DIPK1A: variants seen among roughly 807,000 people sequenced by gnomAD.
DIPK1A encodes the protein divergent protein kinase domain 1A, also known as family with sequence similarity 69 member A.
A neutral mutation model predicts 40.8 loss-of-function variants in DIPK1A; 27 were observed. The ratio of observed to expected loss-of-function variants is 0.66; its 90% confidence interval spans 0.49 to 0.91. The LOEUF (loss-of-function observed/expected upper bound fraction) is 0.91. Among genes scored for constraint, DIPK1A ranks in the 40% least tolerant of loss-of-function variants. The pLI, the probability that DIPK1A is intolerant of heterozygous loss-of-function variation, is 0.00. For synonymous variants in DIPK1A, 166 were observed against 171.3 expected, an observed-to-expected ratio of 0.97 and a Z score of 0.24; for missense variants, 412 against 505.7, an observed-to-expected ratio of 0.81 and a Z score of 1.78.
chr1:92,921,065 A>G (rs1027797544), intron 1 of DIPK1A, among the ~76,000 whole-genome samples: 2 of 152,132 alleles, frequency 1.3e-5, no homozygotes, highest in African/African-American at 4.8e-5. Context: ...GACTCCCTGG[A>G]CTAGTTGGGG....
downstream of DIPK1A, among the ~76,000 whole-genome samples, chr1:92,839,406 A>G (rs1466102141): frequency 6.6e-6 from 1 of 152,194 alleles, no homozygotes; most frequent in Non-Finnish European, 1.5e-5. Flanking sequence ...TTGGCTTTTC[A>G]GGAAAACTTC....
chr1:92,948,140 T>C (rs1004434706), intron 1 of DIPK1A, among the ~76,000 whole-genome samples: 14 of 152,326 alleles, frequency 9.2e-5, no homozygotes, highest in African/African-American at 3.4e-4. Context: ...ACATGGAGAC[T>C]TGGTTGTACA....
In DIPK1A at chr1:92,946,942, TC is replaced by T. The variant is rs1391855220; in HGVS notation, c.54+14433del. Among the ~76,000 whole-genome samples, 9 of 99,130 alleles carry T rather than the reference TC, an allele frequency of 9.1e-5. No homozygotes were observed. The East Asian group carries it at 2.0e-3, about 22-fold the overall frequency. 65.0% of individuals were successfully genotyped at this position (99,130 alleles called of 152,430 possible). On this transcript the variant is annotated intron_variant, in intron 1 of 4. Coordinates refer to ENST00000370310, the MANE Select transcript of DIPK1A (RefSeq NM_001006605.5). ...CTGGGTGACAGAGTGAGACCCTGTC[TC>T]AAAAAAAAAAAAAAAAAACCACACA...
intron 2 of DIPK1A, among the ~76,000 whole-genome samples, chr1:92,854,710 G>C (rs1310872415): frequency 1.3e-5 from 2 of 152,254 alleles, no homozygotes; most frequent in Admixed American, 6.5e-5. Context: ...AAGCAATCTA[G>C]TTCTTAAACT....
intron 1 of DIPK1A, among the ~76,000 whole-genome samples, chr1:92,919,930 A>C (rs1650206784): frequency 1.3e-5 from 2 of 152,250 alleles, no homozygotes; most frequent in Non-Finnish European, 2.9e-5. Context: ...AACTGCCATT[A>C]ATCGACATCA....
chr1:92,838,257 T>C (rs1392375146), downstream of DIPK1A, among the ~76,000 whole-genome samples: 1 of 152,236 alleles, frequency 6.6e-6, no homozygotes, highest in Admixed American at 6.5e-5. Flanking sequence ...AAAGGCTGAA[T>C]AAACAAATAG....
chr1:92,883,456 A>G (rs981906524), intron 1 of DIPK1A, among the ~76,000 whole-genome samples: 1 of 146,768 alleles, frequency 6.8e-6, no homozygotes, highest in African/African-American at 2.4e-5. Flanking sequence ...ATAACTATCT[A>G]TTTGTCTCTC....
chr1:92,870,387 G>A (rs537519982), intron 2 of DIPK1A, among the ~76,000 whole-genome samples: 55 of 152,020 alleles, frequency 3.6e-4, no homozygotes, highest in Admixed American at 1.3e-3. Flanking sequence ...CACCATGCCC[G>A]GCTAATTTTT....
At chr1:92,878,008 A>T (rs1380212946) in intron 1 of DIPK1A, among the ~76,000 whole-genome samples, 1 of 152,234 alleles carries the variant, frequency 6.6e-6, no homozygotes, top group East Asian at 1.9e-4. Context: ...AGTGGCTATC[A>T]TCTTCTTTTC....
chr1:92,950,469 ATTACT>A (rs1651584394), intron 1 of DIPK1A, among the ~76,000 whole-genome samples: 1 of 152,368 alleles, frequency 6.6e-6, no homozygotes, highest in Admixed American at 6.5e-5. Flanking sequence ...ACCTGAACAA[ATTACT>A]TTGGAAGCAA....
At chr1:92,943,849 AAC>A (rs1651265084) in intron 1 of DIPK1A, among the ~76,000 whole-genome samples, 1 of 152,226 alleles carries the variant, frequency 6.6e-6, no homozygotes, top group Non-Finnish European at 1.5e-5. Context: ...CTAAAATATG[AAC>A]AGACAACCAA....
chr1:92,886,672 A>G (rs1020989934), intron 1 of DIPK1A, among the ~76,000 whole-genome samples: 2 of 152,166 alleles, frequency 1.3e-5, no homozygotes, highest in East Asian at 1.9e-4. Context: ...ATGAAAGCCA[A>G]TATTTATTAG....
Position 92,846,678 on chromosome 1 carries a change from G to A in DIPK1A, c.474+505C>T, listed in dbSNP as rs528657270. The A allele has an allele frequency of 7.3e-5, 26 of 356,044 alleles. 1 individual carries two copies. Among genetic ancestry groups the A allele is most frequent in the South Asian group, 5.4e-4 (26 of 48,308 alleles). The allele number at this position is 356,044 out of a possible 1,614,324, so 22.1% of individuals were successfully genotyped here. A position where few individuals can be genotyped will look rare whatever the true frequency, so the allele number is the denominator to read the frequency against. Reference sequence around the variant, plus strand: ...GGGTCTCACTTTGTCGTCCAGGCTGGAGTGCAGTGGTGAGATCTTGGCTCA... The same window carrying A: ...GGGTCTCACTTTGTCGTCCAGGCTGAAGTGCAGTGGTGAGATCTTGGCTCA... On this transcript the variant is annotated intron_variant, in intron 4 of 4. Transcript: ENST00000370310.
intron 4 of DIPK1A, chr1:92,833,820 A>G: frequency 1.6e-6 from 1 of 632,330 alleles, no homozygotes; most frequent in East Asian, 2.7e-5. Context: ...GAACCTGGGA[A>G]CTTGGTACTT....
At position 92,872,192 on chromosome 1, in the gene DIPK1A, G is replaced by C. The variant is rs557770118; in HGVS notation, c.189+4104C>G. On this transcript the variant is annotated intron_variant, in intron 2 of 4. Coordinates refer to ENST00000370310, the MANE Select transcript of DIPK1A (RefSeq NM_001006605.5). ...CCTCCTGGGTTCATGTGATTCTTGT[G>C]CCTCAGCCTTCTGAGTAGCTGGAAT... Among the ~76,000 whole-genome samples, 16 of 140,222 alleles carry C rather than the reference G, an allele frequency of 1.1e-4. No homozygotes were observed. The East Asian group carries it at 3.4e-3, about 30-fold the overall frequency. The allele number at this position is 140,222 out of a possible 152,430, so 92.0% of individuals were successfully genotyped here. A position where few individuals can be genotyped will look rare whatever the true frequency, so the allele number is the denominator to read the frequency against.
intron 1 of DIPK1A, among the ~76,000 whole-genome samples, chr1:92,893,473 G>C (rs1648996490): frequency 6.6e-6 from 1 of 151,892 alleles, no homozygotes; most frequent in South Asian, 2.1e-4. Flanking sequence ...GTCACCATCA[G>C]GCCTGCCCTA....
At chr1:92,915,658 T>G (rs1202264711) in intron 1 of DIPK1A, among the ~76,000 whole-genome samples, 1 of 152,196 alleles carries the variant, frequency 6.6e-6, no homozygotes, top group Non-Finnish European at 1.5e-5. Flanking sequence ...GGAACTCTTC[T>G]TCATTGCTAG....
At chr1:92,837,615 C>T, downstream of DIPK1A, 1 of 1,612,000 alleles carries the variant, frequency 6.2e-7, no homozygotes, top group Non-Finnish European at 8.5e-7. Context: ...ACATAAAGAA[C>T]AGCGTAACTC....
intron 1 of DIPK1A, among the ~76,000 whole-genome samples, chr1:92,942,139 T>C (rs1651177461): frequency 1.3e-5 from 2 of 152,190 alleles, no homozygotes. Flanking sequence ...ATACAGTTTA[T>C]GAAAGGAAGA....
Sources: gnomAD v4.1 joint callset for allele counts (sites outside exome capture counted in the v4.1 genomes callset) on GRCh38, gnomAD v4.1.1 for gene constraint, MANE v1.5 for transcripts, NCBI Gene and HGNC (gene_info 2026-07-23, HGNC 2026-07-21) for gene names.